Variants in COMMD1 observed in about 807,000 individuals in gnomAD.
COMMD1 encodes copper metabolism domain containing 1.
In COMMD1, 10 loss-of-function variants were observed where a neutral mutation model predicts 17.2. That is an observed-to-expected ratio of 0.58 (90% CI 0.36 to 0.99). COMMD1 has a LOEUF of 0.99. COMMD1 is among the 50% of genes least tolerant of loss of function. The pLI, the probability that COMMD1 is intolerant of heterozygous loss-of-function variation, is 0.01. For missense variants in COMMD1, 270 were observed against 231.8 expected (o/e 1.17, Z -1.07); for synonymous variants, 97 against 91.6 (o/e 1.06, Z -0.34).
intron 1 of COMMD1, among the ~76,000 whole-genome samples, chr2:61,932,184 C>T (rs1558525987): frequency 3.9e-5 from 6 of 152,208 alleles, no homozygotes. Flanking sequence ...TGCTTACATT[C>T]TTAATTATTC....
At chr2:62,070,136 T>G (rs376664358) in intron 2 of COMMD1, 57 of 152,302 alleles carry the variant, frequency 3.7e-4, no homozygotes, top group African/African-American at 1.4e-3. Context: ...TAAGCCTCCT[T>G]CAGGCTCTAT....
intron 2 of COMMD1, among the ~76,000 whole-genome samples, chr2:62,018,658 A>T (rs1029625341): frequency 6.6e-6 from 1 of 152,210 alleles, no homozygotes; most frequent in East Asian, 1.9e-4. Context: ...TACATTATGA[A>T]ATGACCTTGA....
intron 1 of COMMD1, among the ~76,000 whole-genome samples, chr2:61,996,461 CAAT>C (rs767616807): frequency 2.0e-5 from 3 of 151,852 alleles, no homozygotes; most frequent in African/African-American, 4.8e-5. Context: ...AATAACACAA[CAAT>C]GAGATTGTTG....
chr2:61,986,945 T>C (rs937910077), intron 1 of COMMD1, among the ~76,000 whole-genome samples: 2 of 152,198 alleles, frequency 1.3e-5, no homozygotes, highest in African/African-American at 4.8e-5. Flanking sequence ...TTTCTTTTGC[T>C]TGATCAAGTC....
At chr2:62,073,313 G>C (rs189750322) in intron 2 of COMMD1, among the ~76,000 whole-genome samples, 1 of 152,248 alleles carries the variant, frequency 6.6e-6, no homozygotes, top group African/African-American at 2.4e-5. Context: ...ATGACTTTAA[G>C]TTCTAAAAAG....
intron 1 of COMMD1, among the ~76,000 whole-genome samples, chr2:61,977,471 C>G (rs1476164195): frequency 6.7e-6 from 1 of 149,008 alleles, no homozygotes; most frequent in East Asian, 2.1e-4. Flanking sequence ...CTCGAACTCC[C>G]AACCTCAGGT....
intron 1 of COMMD1, among the ~76,000 whole-genome samples, chr2:61,991,596 G>C (rs1287691881): frequency 6.6e-6 from 1 of 152,196 alleles, no homozygotes; most frequent in Non-Finnish European, 1.5e-5. Context: ...ACCTTACTAG[G>C]AGAGGAGGAG....
intron 1 of COMMD1, among the ~76,000 whole-genome samples, chr2:61,948,449 T>G (rs1321182661): frequency 6.6e-6 from 1 of 152,228 alleles, no homozygotes; most frequent in South Asian, 2.1e-4. Flanking sequence ...AGAATGGAGC[T>G]CTTTTATTAA....
intron 1 of COMMD1, among the ~76,000 whole-genome samples, chr2:61,919,166 C>T (rs181511944): frequency 7.1e-4 from 108 of 152,090 alleles, no homozygotes; most frequent in African/African-American, 2.3e-3. Context: ...CATGCGCCAC[C>T]ATGCCCAGCT....
intron 2 of COMMD1, among the ~76,000 whole-genome samples, chr2:62,028,221 A>G (rs1669819373): frequency 6.6e-6 from 1 of 151,958 alleles, no homozygotes; most frequent in Non-Finnish European, 1.5e-5. Context: ...CAGCATGATT[A>G]CTCTGTCTTT....
intron 2 of COMMD1, among the ~76,000 whole-genome samples, chr2:62,053,510 C>T (rs1462624142): frequency 6.6e-6 from 1 of 152,120 alleles, no homozygotes; most frequent in Non-Finnish European, 1.5e-5. Flanking sequence ...AAGGTTAGAA[C>T]TGTAAGAAAA....
At chr2:61,911,748 G>A (rs568134674) in intron 1 of COMMD1, among the ~76,000 whole-genome samples, 1 of 152,206 alleles carries the variant, frequency 6.6e-6, no homozygotes, top group East Asian at 1.9e-4. Context: ...AAAAAAGTGC[G>A]TTATACCTCT....
chr2:62,094,145 C>T (rs1347386592), intron 2 of COMMD1, among the ~76,000 whole-genome samples: 7 of 152,170 alleles, frequency 4.6e-5, no homozygotes, highest in East Asian at 3.8e-4. Flanking sequence ...CAGTCATATT[C>T]GTCTTCCTCT....
chr2:62,105,310 A>G (rs1265150454), intron 2 of COMMD1, among the ~76,000 whole-genome samples: 2 of 152,060 alleles, frequency 1.3e-5, no homozygotes, highest in Admixed American at 6.6e-5. Flanking sequence ...TTCCTTGCCT[A>G]TACTAATTTT....
intron 1 of COMMD1, 31 bp downstream of exon 1, chr2:61,905,889 G>A (rs1669759806): frequency 1.2e-6 from 2 of 1,610,692 alleles, no homozygotes; most frequent in Non-Finnish European, 8.5e-7. Flanking sequence ...CTCCGGCTTG[G>A]AGCAGAACCC....
chr2:61,966,872 T>C (rs1031962627), intron 1 of COMMD1, among the ~76,000 whole-genome samples: 3 of 152,112 alleles, frequency 2.0e-5, no homozygotes, highest in Non-Finnish European at 2.9e-5. Flanking sequence ...ATAATAAGGC[T>C]TCTATTTATC....
intron 1 of COMMD1, among the ~76,000 whole-genome samples, chr2:61,980,693 G>A (rs1671930532): frequency 6.8e-6 from 1 of 147,472 alleles, no homozygotes; most frequent in African/African-American, 2.5e-5. Flanking sequence ...CTCCCATGTT[G>A]TAGGTTGCCT....
chr2:61,987,709 C>A (rs962631395), intron 1 of COMMD1, among the ~76,000 whole-genome samples: 2 of 152,168 alleles, frequency 1.3e-5, no homozygotes, highest in Non-Finnish European at 2.9e-5. Flanking sequence ...GCCTAGGACT[C>A]TACAATCAGC....
intron 1 of COMMD1, among the ~76,000 whole-genome samples, chr2:61,897,926 T>G (rs184547617): frequency 6.6e-6 from 1 of 152,268 alleles, no homozygotes; most frequent in Non-Finnish European, 1.5e-5. Flanking sequence ...GGACGAGTTA[T>G]TTCATCTGCA....
Sources: gnomAD v4.1 joint callset for allele counts (sites outside exome capture counted in the v4.1 genomes callset) on GRCh38, gnomAD v4.1.1 for gene constraint, MANE v1.5 for transcripts, NCBI Gene and HGNC (gene_info 2026-07-23, HGNC 2026-07-21) for gene names.